The following GYS2 variants were observed in gnomAD, a reference collection of about 807,000 sequenced individuals.
The protein encoded by GYS2 is glycogen synthase 2, also known as glycogen [starch] synthase, liver.
In GYS2, 80 loss-of-function variants were observed where a neutral mutation model predicts 85.6. The ratio of observed to expected loss-of-function variants is 0.93; its 90% CI spans 0.78 to 1.13. GYS2 has a LOEUF of 1.13. GYS2 is among the 50% of genes most tolerant of loss of function. The pLI is 0.00. For synonymous variants in GYS2, 328 were observed against 300.7 expected (o/e 1.09, Z -0.94); for missense variants, 881 against 854.9 (o/e 1.03, Z -0.38).
intron 11 of GYS2, among the ~76,000 whole-genome samples, chr12:21,554,299 T>G (rs1944151028): frequency 6.6e-6 from 1 of 152,134 alleles, no homozygotes; most frequent in South Asian, 2.1e-4. Context: ...TTTTTAAATC[T>G]GGGCTGCAGT....
In GYS2 at chr12:21,562,872, A is replaced by ACT. The variant is rs772448127; in HGVS notation, c.1062+45_1062+46insAG. ...AAATTCTTCACTTCCCACAGAAGAA[A>ACT]GTTCTCCCTACAAGAGTGTTATACC... On this transcript the variant is annotated intron_variant, in intron 7 of 15. Transcript: ENST00000261195. 7 of 1,606,734 alleles carry ACT rather than the reference A, an allele frequency of 4.4e-6. No individual in the cohort carries two copies. The Admixed American group carries it at 1.2e-4, about 27-fold the overall frequency.
At chr12:21,598,970 G>A (rs1488416881) in intron 1 of GYS2, among the ~76,000 whole-genome samples, 3 of 151,920 alleles carry the variant, frequency 2.0e-5, no homozygotes, top group African/African-American at 4.8e-5. Context: ...ACTCTAAGTC[G>A]TCATCTGGCA....
intron 7 of GYS2, among the ~76,000 whole-genome samples, chr12:21,562,339 C>T (rs1342873447): frequency 6.6e-6 from 1 of 151,982 alleles, no homozygotes; most frequent in Non-Finnish European, 1.5e-5. Flanking sequence ...ATAGAGAGTT[C>T]GTGCTGTCGG....
chr12:21,549,565 C>T (rs1023202459), intron 11 of GYS2, among the ~76,000 whole-genome samples: 3 of 152,208 alleles, frequency 2.0e-5, no homozygotes, highest in African/African-American at 7.2e-5. Context: ...TTAGTTGTCA[C>T]ATCGCTTTAG....
chr12:21,590,082 T>C (rs1165894840), intron 1 of GYS2, among the ~76,000 whole-genome samples: 1 of 152,048 alleles, frequency 6.6e-6, no homozygotes, highest in African/African-American at 2.4e-5. Context: ...GCTACCCCAC[T>C]TGCAGCCACC....
At position 21,539,245 on chromosome 12, in the gene GYS2, A is replaced by T. The variant is rs1943944463; in HGVS notation, c.1890+13T>A. On this transcript the variant is annotated intron_variant, in intron 15 of 15. Transcript: ENST00000261195. ...AAATATAGCTTTCAAAAAAAAATAC[A>T]TTGAATATTTACCGTTGGTGGTGAT... 1 of 1,441,102 alleles carries T rather than the reference A, an allele frequency of 6.9e-7. No individual in the cohort carries two copies. The highest frequency in any genetic ancestry group is 9.8e-7 in the Non-Finnish European group (1 of 1,024,000). The allele number at this position is 1,441,102 out of a possible 1,614,324, so 89.3% of individuals were successfully genotyped here. A position where few individuals can be genotyped will look rare whatever the true frequency, so the allele number is the denominator to read the frequency against.
intron 11 of GYS2, among the ~76,000 whole-genome samples, chr12:21,551,154 TC>T (rs1368197278): frequency 1.1e-4 from 8 of 74,792 alleles, no homozygotes; most frequent in South Asian, 5.6e-4. Flanking sequence ...ATGCTATCCC[TC>T]CCCCCTCCCC....
At position 21,541,471 on chromosome 12, in the gene GYS2, C is replaced by CAAT. The variant is rs753282426; in HGVS notation, c.1646-901_1646-899dup. On this transcript the variant is annotated intron_variant, in intron 13 of 15. Coordinates refer to ENST00000261195, the MANE Select transcript of GYS2 (RefSeq NM_021957.4). ...TTTAAAATAATAACAGTAATGATAA[C>CAAT]AATAATAATAATATATGTACTATCT... 1.6e-4 allele frequency among the ~76,000 whole-genome samples: 25 copies of CAAT among 151,616 alleles called. No homozygotes were observed. In the South Asian group the frequency reaches 5.0e-3, roughly 30 times the overall value.
intron 1 of GYS2, among the ~76,000 whole-genome samples, chr12:21,584,067 A>C (rs1240047328): frequency 6.6e-6 from 1 of 152,158 alleles, no homozygotes; most frequent in African/African-American, 2.4e-5. Flanking sequence ...CACCACCCAA[A>C]AGTGGACAGC....
intron 5 of GYS2, among the ~76,000 whole-genome samples, chr12:21,565,539 C>T (rs1278870962): frequency 6.8e-6 from 1 of 147,312 alleles, no homozygotes; most frequent in East Asian, 2.0e-4. Flanking sequence ...TACAAATAAC[C>T]TAAAATCATA....
Position 21,568,967 on chromosome 12 carries a change from G to T in GYS2, c.721C>A (p.Arg241=), listed in dbSNP as rs1944355371. ...ACGGAAGCTCGCTCCATGCAGTACC[G>T]GTGGTAAATCTGCCTTTCCCCAGCC... ...KEAGERQIYH[R]YCMERASVHC... Residue 241 remains arginine (R), a synonymous_variant, in exon 5 of 16, where the codon CGG becomes AGG. Coordinates refer to ENST00000261195, the MANE Select transcript of GYS2 (RefSeq NM_021957.4). 3.7e-6 allele frequency: 6 copies of T among 1,613,544 alleles called. No individual in the cohort carries two copies. The highest frequency in any genetic ancestry group is 1.3e-5 in the African/African-American group (1 of 74,912).
At chr12:21,568,757 ACT>A in intron 5 of GYS2, 106 bp downstream of exon 5, 2 of 925,442 alleles carry the variant, frequency 2.2e-6, no homozygotes, top group South Asian at 2.6e-5. Flanking sequence ...CTGCGTGGTA[ACT>A]GAATGCAATT....
chr12:21,604,773 A>G lies in GYS2; in HGVS notation c.-181T>C, dbSNP rs1362808532. On this transcript the variant is annotated 5_prime_UTR_variant, in exon 1 of 16. Transcript: ENST00000261195. ...TGCTTCCCACAGAATTCCTGGTGGA[A>G]GGAGGAATTCTTCCTCCTCTTTCTC... 2.1e-6 allele frequency: 3 copies of G among 1,404,714 alleles called. No individual in the cohort carries two copies. The African/African-American group carries it at 4.4e-5, about 20-fold the overall frequency. 87.0% of individuals were successfully genotyped at this position (1,404,714 alleles called of 1,614,324 possible). A position where few individuals can be genotyped will look rare whatever the true frequency, so the allele number is the denominator to read the frequency against.
intron 1 of GYS2, among the ~76,000 whole-genome samples, chr12:21,599,087 C>CTG (rs397790624): frequency 1.3e-5 from 2 of 148,910 alleles, no homozygotes; most frequent in African/African-American, 4.9e-5. Context: ...CTCTCTCTCT[C>CTG]CCCCATCTCT....
intron 5 of GYS2, among the ~76,000 whole-genome samples, chr12:21,567,917 A>G (rs1011547754): frequency 1.3e-5 from 2 of 152,094 alleles, no homozygotes; most frequent in Non-Finnish European, 2.9e-5. Context: ...TACTAAAAAT[A>G]CAAAAATTAG....
chr12:21,599,130 A>G (rs965173286), intron 1 of GYS2, among the ~76,000 whole-genome samples: 9 of 151,980 alleles, frequency 5.9e-5, no homozygotes, highest in East Asian at 1.9e-4. Flanking sequence ...ATGTATACAC[A>G]CATATATACA....
In GYS2 at chr12:21,544,371, C is replaced by A. The variant is rs368662906; in HGVS notation, c.1550-1780G>T. ...TATCTTAAAACAGTAGATATATCTC[C>A]TCTATCATTTTGGGTTGTTAAGTTT... is the stretch of plus-strand genomic sequence containing the variant. On this transcript the variant is annotated intron_variant, in intron 12 of 15. Coordinates refer to ENST00000261195, the MANE Select transcript of GYS2 (RefSeq NM_021957.4). Among the ~76,000 whole-genome samples, 3 of 152,140 alleles carry A rather than the reference C, an allele frequency of 2.0e-5. No individual in the cohort carries two copies. The South Asian group carries it at 6.2e-4, about 31-fold the overall frequency.
intron 1 of GYS2, among the ~76,000 whole-genome samples, chr12:21,594,723 T>C (rs1378728178): frequency 6.6e-6 from 1 of 152,202 alleles, no homozygotes; most frequent in African/African-American, 2.4e-5. Flanking sequence ...CAATGTCATT[T>C]TTCACAGAAA....
chr12:21,537,376 G>C, intron 15 of GYS2: 2 of 601,694 alleles, frequency 3.3e-6, no homozygotes, highest in South Asian at 4.0e-5. Context: ...TCTTTATTAA[G>C]TACTGAAATG....
Sources: gnomAD v4.1 joint callset for allele counts (sites outside exome capture counted in the v4.1 genomes callset) on GRCh38, gnomAD v4.1.1 for gene constraint, MANE v1.5 for transcripts, NCBI Gene and HGNC (gene_info 2026-07-23, HGNC 2026-07-21) for gene names.